Variants in POP5 observed in about 807,000 individuals in gnomAD.
The protein encoded by POP5 is POP5 ribonuclease P/MRP subunit.
Under a neutral mutation model 20.7 loss-of-function variants are expected in POP5, and 18 were observed. That is an observed-to-expected ratio of 0.87 (90% CI 0.60 to 1.29). The LOEUF is 1.29. Ranked by LOEUF, POP5 falls within the 50% of genes most tolerant of loss-of-function variation. The pLI is 0.00. For missense variants in POP5, 200 were observed against 203.2 expected (o/e 0.98, Z 0.10); for synonymous variants, 91 against 78.0 (o/e 1.17, Z -0.88).
In POP5 at chr12:120,578,984, G is replaced by A; in HGVS notation, c.*334C>T. ...CCCACCAAGGCTAGGGATAGAGAGA[G>A]AACAGAGACTTGGCCAAGCATGGAC... On this transcript the variant is annotated 3_prime_UTR_variant, in exon 5 of 5. Coordinates refer to ENST00000357500, the MANE Select transcript of POP5 (RefSeq NM_015918.4). The A allele has an allele frequency of 9.1e-6, 3 of 328,864 alleles. No individual in the cohort carries two copies. The highest frequency in any genetic ancestry group is 1.7e-5 in the Non-Finnish European group (3 of 173,388). The allele number at this position is 328,864 out of a possible 1,614,324, so 20.4% of individuals were successfully genotyped here. A position where few individuals can be genotyped will look rare whatever the true frequency, so the allele number is the denominator to read the frequency against.
chr12:120,581,146 G>T lies in POP5; in HGVS notation c.132C>A (p.Phe44Leu), dbSNP rs1343227942. Residue 44 changes from phenylalanine (F) to leucine (L), a missense_variant, in exon 2 of 5, where the codon TTC becomes TTA. Physicochemically the swap from Phe to Leu is conservative, Grantham distance 22. Transcript: ENST00000357500. ...RDTIARVHGT[F>L]GAAACSIGFA... is the part of the protein sequence containing the mutation. ...AGCCGATGGAGCAGGCGGCTGCGCCGAAAGTTCCGTGCACCCTGGCGATCG... is the reference window on the plus strand; with the variant it reads ...AGCCGATGGAGCAGGCGGCTGCGCCTAAAGTTCCGTGCACCCTGGCGATCG... 5.0e-6 allele frequency: 8 copies of T among 1,613,034 alleles called. No homozygotes were observed. Among genetic ancestry groups the T allele is most frequent in the Non-Finnish European group, 6.8e-6 (8 of 1,180,032 alleles).
In POP5 at chr12:120,581,349, T is replaced by G; in HGVS notation, c.14A>C (p.Lys5Thr). The part of the protein sequence containing the change: MVRF[K>T]HRYLLCELVS... ...TCTGGAAGGGAATGCTTACCTGTGC[T>G]TGAACCGCACCATGGCTGCCTCCGC... Residue 5 changes from lysine (K) to threonine (T), a missense_variant, in exon 1 of 5, where the codon AAG becomes ACG. By Grantham distance (78) the Lys-to-Thr change is moderately conservative. Coordinates refer to ENST00000357500, the MANE Select transcript of POP5 (RefSeq NM_015918.4). 6.2e-7 allele frequency: 1 copy of G among 1,613,570 alleles called. No individual in the cohort carries two copies. The highest frequency in any genetic ancestry group is 8.5e-7 in the Non-Finnish European group (1 of 1,179,824).
intron 2 of POP5, among the ~76,000 whole-genome samples, chr12:120,580,347 C>T (rs1019236372): frequency 6.6e-6 from 1 of 152,220 alleles, no homozygotes; most frequent in Non-Finnish European, 1.5e-5. Flanking sequence ...AGCCAAAACA[C>T]CCACTGTGTT....
Position 120,578,944 on chromosome 12 carries a change from T to A in POP5, c.*374A>T. 1 of 244,884 alleles carries A rather than the reference T, an allele frequency of 4.1e-6. No individual in the cohort carries two copies. The highest frequency in any genetic ancestry group is 5.0e-5 in the Admixed American group (1 of 19,902). 15.2% of individuals were successfully genotyped at this position (244,884 alleles called of 1,614,324 possible). ...AAAAAAAAGTTTAACTAGTACCACA[T>A]AGGGAGTCAGTCTTCCCACCAAGGC... On this transcript the variant is annotated 3_prime_UTR_variant, in exon 5 of 5. Coordinates refer to ENST00000357500, the MANE Select transcript of POP5 (RefSeq NM_015918.4).
chr12:120,579,352 T>C lies in POP5; in HGVS notation c.458A>G (p.Glu153Gly). The change falls in exon 5 of 5, where the codon GAG (glutamate) becomes GGG (glycine). Residue 153 changes from glutamate (E) to glycine (G), a missense_variant. Physicochemically the swap from Glu to Gly is moderately conservative, Grantham distance 98. Transcript: ENST00000357500. ...TGCTTCTGCAGCCTCCTCACCTGAC[T>C]CCTCCTCCTCCTCTAATAAGCAGCT... ...TRSCLLEEEE[E>G]SGEEAAEAME The C allele has an allele frequency of 6.3e-7, 1 of 1,584,906 alleles. No homozygotes were observed. Among genetic ancestry groups the C allele is most frequent in the Non-Finnish European group, 8.7e-7 (1 of 1,154,538 alleles).
Position 120,579,508 on chromosome 12 carries a change from G to C in POP5, c.397+6C>G. ...GCTCAGTGGGCACTGGGCTAGTGTT[G>C]CTTACCTTCATCAGTGCAGTTCTGC... is the stretch of plus-strand genomic sequence containing the variant. On this transcript the variant is annotated splice_donor_region_variant and intron_variant, in intron 4 of 4. Transcript: ENST00000357500. The C allele has an allele frequency of 1.9e-6, 3 of 1,613,488 alleles. No individual in the cohort carries two copies. Among genetic ancestry groups the C allele is most frequent in the Non-Finnish European group, 2.5e-6 (3 of 1,179,366 alleles).
At chr12:120,580,260 A>G in intron 2 of POP5, 1 of 234,064 alleles carries the variant, frequency 4.3e-6, no homozygotes, top group Non-Finnish European at 8.5e-6. Flanking sequence ...AAAACTTTGG[A>G]GTAACAGAGC....
At chr12:120,580,921 G>T in intron 2 of POP5, 194 bp downstream of exon 2, 1 of 798,350 alleles carries the variant, frequency 1.3e-6, no homozygotes, top group Non-Finnish European at 1.9e-6. Context: ...AAGCCCCACT[G>T]CCTTCGGGCC....
In POP5 at chr12:120,579,102, C is replaced by G. The variant is rs145308907; in HGVS notation, c.*216G>C. ...ACTCTTAGCCAAGCAATAAAGATGT[C>G]TACAGAGTTCACAACCTGCAACACT... On this transcript the variant is annotated 3_prime_UTR_variant, in exon 5 of 5. Transcript: ENST00000357500. 3.4e-6 allele frequency: 2 copies of G among 594,622 alleles called. No individual in the cohort carries two copies. Among genetic ancestry groups the G allele is most frequent in the Non-Finnish European group, 6.0e-6 (2 of 333,594 alleles). 36.8% of individuals were successfully genotyped at this position (594,622 alleles called of 1,614,324 possible).
chr12:120,581,280 G>A, intron 1 of POP5, 23 bp from the exon 2 acceptor site: 6 of 1,614,190 alleles, frequency 3.7e-6, no homozygotes, highest in Non-Finnish European at 5.1e-6. Flanking sequence ...AGAGGAAGGT[G>A]GACACTAGCG....
rs1421315855 is a variant in POP5, at chr12:120,581,119, G to A, written c.159C>T (p.Phe53=). The A allele has an allele frequency of 6.2e-7, 1 of 1,610,836 alleles. No homozygotes were observed. The highest frequency in any genetic ancestry group is 2.2e-5 in the East Asian group (1 of 44,882). The change falls in exon 2 of 5, where the codon TTC becomes TTT. Residue 53 remains phenylalanine (F), a synonymous_variant. Coordinates refer to ENST00000357500, the MANE Select transcript of POP5 (RefSeq NM_015918.4). ...TFGAAACSIG[F]AVRYLNAYTG... is the part of the protein sequence containing the mutation. ...CTTCCCCCAGCGCCCTTGCACCCGC[G>A]AAGCCGATGGAGCAGGCGGCTGCGC...
At position 120,579,188 on chromosome 12, in the gene POP5, G is replaced by A. The variant is rs1399711539; in HGVS notation, c.*130C>T. 3.4e-5 allele frequency: 27 copies of A among 782,884 alleles called. No homozygotes were observed. In the Admixed American group the frequency reaches 5.5e-4, roughly 16 times the overall value. 48.5% of individuals were successfully genotyped at this position (782,884 alleles called of 1,614,324 possible). A position where few individuals can be genotyped will look rare whatever the true frequency, so the allele number is the denominator to read the frequency against. ...TAACTGAGTACTCCATTTCAAGTGG[G>A]TAATGTCTGCTGGTTGGCAGCTATC... On this transcript the variant is annotated 3_prime_UTR_variant, in exon 5 of 5. Transcript: ENST00000357500.
intron 2 of POP5, 51 bp from the exon 3 acceptor site, chr12:120,579,974 G>C: frequency 6.5e-7 from 1 of 1,549,646 alleles, no homozygotes; most frequent in South Asian, 1.1e-5. Context: ...CTGTGTGGTG[G>C]CTCACGCCTG....
chr12:120,581,269 G>A lies in POP5; in HGVS notation c.21-12C>T, dbSNP rs775526430. Reference sequence around the variant, plus strand: ...CGCAGAGCAGGTACCTGCGGCAGGCGAGAGGAAGGTGGACACTAGCGGGGC... The same window carrying A: ...CGCAGAGCAGGTACCTGCGGCAGGCAAGAGGAAGGTGGACACTAGCGGGGC... On this transcript the variant is annotated splice_polypyrimidine_tract_variant and intron_variant, in intron 1 of 4. Transcript: ENST00000357500. The A allele has an allele frequency of 2.3e-5, 37 of 1,614,098 alleles. No homozygotes were observed. Among genetic ancestry groups the A allele is most frequent in the Non-Finnish European group, 2.9e-5 (34 of 1,180,060 alleles).
In POP5 at chr12:120,579,791, T is replaced by C. The variant is rs910654426; in HGVS notation, c.296A>G (p.Asn99Ser). The change falls in exon 3 of 5, where the codon AAC (asparagine) becomes AGC (serine). Residue 99 changes from asparagine to serine, a missense_variant. Physicochemically the swap from Asn to Ser is conservative, Grantham distance 46. Coordinates refer to ENST00000357500, the MANE Select transcript of POP5 (RefSeq NM_015918.4). ...ACTCCTACCTCCCACATGTAATGTG[T>C]TGAAAAAGCATGGGTAACGGTGTCC... The part of the protein sequence containing the change: ...NKGHRYPCFF[N>S]TLHVGGTIRT... 6.2e-7 allele frequency: 1 copy of C among 1,608,254 alleles called. No individual in the cohort carries two copies. The highest frequency in any genetic ancestry group is 1.7e-5 in the Admixed American group (1 of 59,988).
chr12:120,579,259 T>C lies in POP5; in HGVS notation c.*59A>G. ...GATGCTGTTGCTACCCAGATTGTTC[T>C]GTTCAACAAGTGGGCCTGAAGCCTG... On this transcript the variant is annotated 3_prime_UTR_variant, in exon 5 of 5. Coordinates refer to ENST00000357500, the MANE Select transcript of POP5 (RefSeq NM_015918.4). 6.9e-7 allele frequency: 1 copy of C among 1,450,866 alleles called. No individual in the cohort carries two copies. Among genetic ancestry groups the C allele is most frequent in the Non-Finnish European group, 9.7e-7 (1 of 1,032,478 alleles). The allele number at this position is 1,450,866 out of a possible 1,614,324, so 89.9% of individuals were successfully genotyped here.
chr12:120,581,060 C>A, intron 2 of POP5, 55 bp downstream of exon 2: 2 of 1,590,312 alleles, frequency 1.3e-6, no homozygotes, highest in Non-Finnish European at 8.5e-7. Flanking sequence ...GGCGCCTGCC[C>A]CCTCCACATC....
rs1877702227 is a variant in POP5 at position 120,579,160 on chromosome 12, GT to G, written c.*157del. 1 of 668,056 alleles carries G rather than the reference GT, an allele frequency of 1.5e-6. No individual in the cohort carries two copies. The allele number at this position is 668,056 out of a possible 1,614,324, so 41.4% of individuals were successfully genotyped here. A position where few individuals can be genotyped will look rare whatever the true frequency, so the allele number is the denominator to read the frequency against. On this transcript the variant is annotated 3_prime_UTR_variant, in exon 5 of 5. Transcript: ENST00000357500. ...GGAATGCTAGGTAAAGGCAACTTCAGTTTAACTGAGTACTCCATTTCAAGTG... is the reference window on the plus strand; with the variant it reads ...GGAATGCTAGGTAAAGGCAACTTCAGTTAACTGAGTACTCCATTTCAAGTG...
intron 2 of POP5, chr12:120,580,156 C>T (rs1397568010): frequency 9.4e-6 from 4 of 426,490 alleles, no homozygotes; most frequent in Non-Finnish European, 1.7e-5. Context: ...GCATGAGAAT[C>T]GCCTGAACCC....
Sources: gnomAD v4.1 joint callset for allele counts (sites outside exome capture counted in the v4.1 genomes callset) on GRCh38, gnomAD v4.1.1 for gene constraint, MANE v1.5 for transcripts, NCBI Gene and HGNC (gene_info 2026-07-23, HGNC 2026-07-21) for gene names.